RMND1: variants seen among roughly 807,000 people sequenced by gnomAD.
RMND1 encodes required for meiotic nuclear division 1 homolog, also known as required for meiotic nuclear division protein 1 homolog.
In RMND1, 41 loss-of-function variants were observed where a neutral mutation model predicts 54.0. The ratio of observed to expected loss-of-function variants is 0.76; its 90% CI spans 0.59 to 0.98. The LOEUF is 0.98. Ranked by LOEUF, RMND1 falls within the 50% of genes least tolerant of loss-of-function variation. The pLI, the probability that RMND1 is intolerant of heterozygous loss-of-function variation, is 0.00. For missense variants in RMND1, 457 were observed against 532.0 expected, an observed-to-expected ratio of 0.86 and a Z score of 1.39; for synonymous variants, 183 against 181.7, an observed-to-expected ratio of 1.01 and a Z score of -0.06.
chr6:151,440,293 A>G (rs1455767017), intron 2 of RMND1, among the ~76,000 whole-genome samples: 4 of 152,228 alleles, frequency 2.6e-5, no homozygotes, highest in Non-Finnish European at 4.4e-5. Flanking sequence ...GGTCAGTTTT[A>G]AAAACCGCCA....
At chr6:151,436,304 T>A in intron 3 of RMND1, 142 bp downstream of exon 3, 3 of 845,682 alleles carry the variant, frequency 3.5e-6, no homozygotes, top group South Asian at 3.6e-5. Context: ...GTCATCTTTA[T>A]AAAGAGATTC....
intron 11 of RMND1, 110 bp downstream of exon 11, chr6:151,405,610 T>C: frequency 3.0e-6 from 2 of 656,378 alleles, no homozygotes; most frequent in Non-Finnish European, 5.4e-6. Context: ...GATAACAAAG[T>C]CAGCCTCTTT....
chr6:151,424,214 A>G (rs1330978245), intron 6 of RMND1, among the ~76,000 whole-genome samples: 1 of 151,818 alleles, frequency 6.6e-6, no homozygotes, highest in East Asian at 2.0e-4. Flanking sequence ...TAACCCCAGC[A>G]CTCCGGGAGG....
intron 10 of RMND1, among the ~76,000 whole-genome samples, chr6:151,408,178 G>T (rs1219651971): frequency 6.6e-6 from 1 of 152,102 alleles, no homozygotes; most frequent in East Asian, 1.9e-4. Context: ...CAACCTAGAA[G>T]AAAGTGCTTG....
At chr6:151,448,831 G>C (rs953731123) in intron 1 of RMND1, among the ~76,000 whole-genome samples, 2 of 152,196 alleles carry the variant, frequency 1.3e-5, no homozygotes, top group African/African-American at 4.8e-5. Context: ...GCTCACGCCT[G>C]TAATCTCAGC....
intron 3 of RMND1, among the ~76,000 whole-genome samples, chr6:151,434,134 G>A (rs1370798126): frequency 6.6e-6 from 1 of 152,046 alleles, no homozygotes; most frequent in Non-Finnish European, 1.5e-5. Flanking sequence ...CATGAGCCAC[G>A]GGGCCTGGCC....
intron 4 of RMND1, among the ~76,000 whole-genome samples, chr6:151,432,907 C>T (rs941938369): frequency 6.6e-6 from 1 of 152,128 alleles, no homozygotes; most frequent in African/African-American, 2.4e-5. Context: ...TCCGAATTTA[C>T]AAAGAAAGAC....
At position 151,417,320 on chromosome 6, in the gene RMND1, C is replaced by A; in HGVS notation, c.1159G>T (p.Asp387Tyr). ...WDRENLEGLY[D>Y]KTCQFLSIGR... ...ATGCTAAGGAATTGACACGTTTTAT[C>A]GTAAAGTCCTTCCAGGTTTTCTCTG... is the stretch of plus-strand genomic sequence containing the variant. The change falls in exon 10 of 12, where the codon GAT becomes TAT. Residue 387 changes from aspartate (D) to tyrosine (Y), a missense_variant. Physicochemically the swap from Asp to Tyr is radical, Grantham distance 160. Transcript: ENST00000444024. 6.2e-7 allele frequency: 1 copy of A among 1,613,746 alleles called. No homozygotes were observed. Among genetic ancestry groups the A allele is most frequent in the Non-Finnish European group, 8.5e-7 (1 of 1,179,880 alleles).
chr6:151,440,154 T>A (rs1780735829), intron 2 of RMND1, among the ~76,000 whole-genome samples: 1 of 152,206 alleles, frequency 6.6e-6, no homozygotes, highest in East Asian at 1.9e-4. Flanking sequence ...ACGGTGTTTC[T>A]TCATGTTGGC....
chr6:151,420,225 C>T (rs979977669), intron 9 of RMND1, among the ~76,000 whole-genome samples: 1 of 152,134 alleles, frequency 6.6e-6, no homozygotes, highest in Admixed American at 6.6e-5. Context: ...TACCCTACTT[C>T]TCAGAGAATT....
rs772505034 is a variant in RMND1, at chr6:151,436,567, A to T, written c.505-13T>A. On this transcript the variant is annotated splice_polypyrimidine_tract_variant and intron_variant, in intron 2 of 11. Transcript: ENST00000444024. ...AGTGCATTAGGTCCTGTTCCAGGGA[A>T]ATGAGCATAACATGGGTTACCAAGA... The T allele has an allele frequency of 6.2e-7, 1 of 1,612,904 alleles. No homozygotes were observed.
chr6:151,446,199 G>T (rs1259258003), intron 1 of RMND1, among the ~76,000 whole-genome samples: 1 of 152,132 alleles, frequency 6.6e-6, no homozygotes, highest in Non-Finnish European at 1.5e-5. Flanking sequence ...GAGGCAGGTG[G>T]ATCGCTTGAG....
In RMND1 at chr6:151,445,445, A is replaced by G. The variant is rs1263874606; in HGVS notation, c.367T>C (p.Leu123=). 2 of 1,614,204 alleles carry G rather than the reference A, an allele frequency of 1.2e-6. No individual in the cohort carries two copies. Among genetic ancestry groups the G allele is most frequent in the Admixed American group, 3.3e-5 (2 of 60,026 alleles). ...GATACAGATGAGAAATGCCTCTTTA[A>G]TATTTTTATAAACCATTTAGAACCC... The part of the protein sequence containing the change: ...LLGSKWFIKI[L]KRHFSSVSTE... Residue 123 remains leucine (L), a synonymous_variant, in exon 2 of 12, where the codon TTA becomes CTA. Coordinates refer to ENST00000444024, the MANE Select transcript of RMND1 (RefSeq NM_017909.4).
At chr6:151,436,102 T>G in intron 3 of RMND1, 1 of 171,920 alleles carries the variant, frequency 5.8e-6, no homozygotes, top group South Asian at 7.5e-5. Context: ...TGAAACTCCA[T>G]CCCAAAAAAC....
intron 10 of RMND1, among the ~76,000 whole-genome samples, chr6:151,408,090 T>G (rs1582938914): frequency 6.6e-6 from 1 of 151,940 alleles, no homozygotes; most frequent in East Asian, 1.9e-4. Context: ...GGTGGGATGC[T>G]GGTGGGGTTA....
chr6:151,450,314 G>A (rs572234313), intron 1 of RMND1, among the ~76,000 whole-genome samples: 3 of 149,420 alleles, frequency 2.0e-5, no homozygotes, highest in East Asian at 2.0e-4. Flanking sequence ...TCTGAGAAGT[G>A]AGGAGACCCT....
Position 151,433,219 on chromosome 6 carries a change from T to C in RMND1, c.625A>G (p.Ile209Val). Residue 209 changes from isoleucine to valine, a missense_variant, in exon 4 of 12, where the codon ATT becomes GTT. By Grantham distance (29) the Ile-to-Val change is conservative. Coordinates refer to ENST00000444024, the MANE Select transcript of RMND1 (RefSeq NM_017909.4). ...GAATTTTCCACACCCATCACCAAAA[T>C]ATTTGCTGCATCTGTGATTTAAAAT... ...VTSLPRDAANILVMGVENSAK... is the reference protein window; with the variant it reads ...VTSLPRDAANVLVMGVENSAK... The C allele has an allele frequency of 6.2e-7, 1 of 1,610,270 alleles. No individual in the cohort carries two copies. Among genetic ancestry groups the C allele is most frequent in the Middle Eastern group, 1.7e-4 (1 of 6,050 alleles).
At chr6:151,423,173 C>A (rs9478205) in intron 7 of RMND1, among the ~76,000 whole-genome samples, 1 of 152,136 alleles carries the variant, frequency 6.6e-6, no homozygotes, top group Non-Finnish European at 1.5e-5. Context: ...TTTTTCTACA[C>A]TGGGACCTGT....
chr6:151,428,445 G>A (rs553264712), intron 5 of RMND1, among the ~76,000 whole-genome samples: 7 of 152,114 alleles, frequency 4.6e-5, no homozygotes, highest in Non-Finnish European at 8.8e-5. Context: ...ACAATGTTGC[G>A]ATGTGCCACA....
Sources: gnomAD v4.1 joint callset for allele counts (sites outside exome capture counted in the v4.1 genomes callset) on GRCh38, gnomAD v4.1.1 for gene constraint, MANE v1.5 for transcripts, NCBI Gene and HGNC (gene_info 2026-07-23, HGNC 2026-07-21) for gene names.